The following IKZF1 variants were observed in gnomAD, a reference collection of about 807,000 sequenced individuals.
IKZF1 encodes IKAROS family zinc finger 1.
A neutral mutation model predicts 51.7 loss-of-function variants in IKZF1; 10 were observed. That is an observed-to-expected ratio of 0.19 (90% CI 0.12 to 0.33). The LOEUF (loss-of-function observed/expected upper bound fraction) is 0.33. Ranked by LOEUF, IKZF1 falls within the 10% of genes least tolerant of loss-of-function variation. The pLI, the probability that IKZF1 is intolerant of heterozygous loss-of-function variation, is 1.00. For synonymous variants in IKZF1, 280 were observed against 282.3 expected, an observed-to-expected ratio of 0.99 and a Z score of 0.08; for missense variants, 484 against 707.5, an observed-to-expected ratio of 0.68 and a Z score of 3.58.
At chr7:50,354,417 C>T (rs1205974519) in intron 3 of IKZF1, among the ~76,000 whole-genome samples, 8 of 152,154 alleles carry the variant, frequency 5.3e-5, no homozygotes, top group Admixed American at 5.2e-4. Flanking sequence ...TCCAAAGCCT[C>T]CCAGGCACAG....
chr7:50,316,776 A>C (rs1273919270), intron 1 of IKZF1, among the ~76,000 whole-genome samples: 1 of 152,238 alleles, frequency 6.6e-6, no homozygotes, highest in Non-Finnish European at 1.5e-5. Context: ...GCAAACTCAG[A>C]GGCTCAGCCC....
chr7:50,332,176 A>C (rs1459340035), intron 3 of IKZF1, among the ~76,000 whole-genome samples: 1 of 152,190 alleles, frequency 6.6e-6, no homozygotes, highest in East Asian at 1.9e-4. Flanking sequence ...GGGGCTCTTA[A>C]AAGTTTTTTG....
intron 3 of IKZF1, among the ~76,000 whole-genome samples, chr7:50,344,891 A>C (rs1799970420): frequency 6.6e-6 from 1 of 152,176 alleles, no homozygotes; most frequent in Non-Finnish European, 1.5e-5. Context: ...AGCAGTGCTT[A>C]CACAGATGAG....
At chr7:50,331,578 C>T (rs1235756511) in intron 3 of IKZF1, among the ~76,000 whole-genome samples, 1 of 152,170 alleles carries the variant, frequency 6.6e-6, no homozygotes, top group African/African-American at 2.4e-5. Flanking sequence ...CAAATCTAAT[C>T]TCAACAAGGA....
At chr7:50,369,583 A>C (rs567417167) in intron 3 of IKZF1, 1 of 398,620 alleles carries the variant, frequency 2.5e-6, no homozygotes, top group African/African-American at 2.1e-5. Flanking sequence ...CTTCCCCCGC[A>C]AAACAGCAAC....
chr7:50,346,096 A>C (rs1299818174), intron 3 of IKZF1, among the ~76,000 whole-genome samples: 2 of 152,162 alleles, frequency 1.3e-5, no homozygotes, highest in Non-Finnish European at 2.9e-5. Context: ...TTTAGAAGAG[A>C]TTCTAGTGCA....
chr7:50,307,903 A>T (rs1288227925), intron 1 of IKZF1, among the ~76,000 whole-genome samples: 3 of 152,186 alleles, frequency 2.0e-5, no homozygotes, highest in African/African-American at 7.2e-5. Context: ...ACAGTAACAA[A>T]GCTGTTTTTA....
chr7:50,361,952 A>T (rs1173266480), intron 3 of IKZF1, among the ~76,000 whole-genome samples: 1 of 152,240 alleles, frequency 6.6e-6, no homozygotes, highest in Admixed American at 6.5e-5. Context: ...ACTCTTTAGA[A>T]GTACCCATTT....
chr7:50,371,874 C>T (rs1179737632), intron 3 of IKZF1, among the ~76,000 whole-genome samples: 1 of 152,298 alleles, frequency 6.6e-6, no homozygotes, highest in East Asian at 1.9e-4. Context: ...ACGCTGTCAC[C>T]CCTTCTGTTT....
chr7:50,401,844 G>A lies in IKZF1; in HGVS notation c.*1217G>A, dbSNP rs1362828286. 8.9e-6 allele frequency: 2 copies of A among 225,068 alleles called. No individual in the cohort carries two copies. The highest frequency in any genetic ancestry group is 5.7e-5 in the Admixed American group (1 of 17,446). The allele number at this position is 225,068 out of a possible 1,614,324, so 13.9% of individuals were successfully genotyped here. On this transcript the variant is annotated 3_prime_UTR_variant, in exon 8 of 8. Transcript: ENST00000331340. ...TGTTGCTAACACACAGAGCTCACCT[G>A]TTTGAAACCAAGCTTTCAAACATGT...
intron 2 of IKZF1, among the ~76,000 whole-genome samples, chr7:50,321,070 T>TA (rs1793140982): frequency 6.6e-6 from 1 of 152,192 alleles, no homozygotes; most frequent in African/African-American, 2.4e-5. Context: ...TACATACACA[T>TA]ACATATTTTC....
intron 6 of IKZF1, among the ~76,000 whole-genome samples, chr7:50,389,288 A>T (rs1400631862): frequency 6.6e-6 from 1 of 152,238 alleles, no homozygotes; most frequent in African/African-American, 2.4e-5. Flanking sequence ...TACTTACCTA[A>T]ACATGGATGT....
chr7:50,353,150 C>A (rs956457245), intron 3 of IKZF1, among the ~76,000 whole-genome samples: 3 of 152,196 alleles, frequency 2.0e-5, no homozygotes, highest in African/African-American at 7.2e-5. Flanking sequence ...TGCTAGGATG[C>A]TGTGCCACAG....
At chr7:50,336,344 G>A (rs934179454) in intron 3 of IKZF1, among the ~76,000 whole-genome samples, 6 of 152,176 alleles carry the variant, frequency 3.9e-5, no homozygotes, top group Middle Eastern at 3.2e-3. Flanking sequence ...AGGGGCGTGC[G>A]TGGGGACCAT....
chr7:50,328,765 A>T (rs1371783491), intron 3 of IKZF1: 1 of 152,228 alleles, frequency 6.6e-6, no homozygotes, highest in Non-Finnish European at 1.5e-5. Context: ...ACTGAATTTT[A>T]TCTACATGTA....
At chr7:50,336,837 A>T (rs1175360905) in intron 3 of IKZF1, among the ~76,000 whole-genome samples, 1 of 152,194 alleles carries the variant, frequency 6.6e-6, no homozygotes, top group Non-Finnish European at 1.5e-5. Flanking sequence ...TCATAGGGCA[A>T]GTTCCATCTG....
chr7:50,349,278 C>G (rs1453266300), intron 3 of IKZF1, among the ~76,000 whole-genome samples: 2 of 152,136 alleles, frequency 1.3e-5, no homozygotes, highest in Admixed American at 6.5e-5. Context: ...GACTATATAG[C>G]TACTATCCAG....
chr7:50,369,616 A>G (rs917786580), intron 3 of IKZF1: 7 of 398,364 alleles, frequency 1.8e-5, no homozygotes, highest in Non-Finnish European at 2.7e-5. Flanking sequence ...GGCCAATATC[A>G]CCACCTTGTG....
At chr7:50,363,609 A>G (rs761762336) in intron 3 of IKZF1, among the ~76,000 whole-genome samples, 5 of 152,200 alleles carry the variant, frequency 3.3e-5, no homozygotes, top group East Asian at 1.9e-4. Context: ...CGGAGCAACA[A>G]TACCTTCCTT....
Sources: gnomAD v4.1 joint callset for allele counts (sites outside exome capture counted in the v4.1 genomes callset) on GRCh38, gnomAD v4.1.1 for gene constraint, MANE v1.5 for transcripts, NCBI Gene and HGNC (gene_info 2026-07-23, HGNC 2026-07-21) for gene names.